WSB1: variants seen among roughly 807,000 people sequenced by gnomAD.
WSB1 encodes WD repeat and SOCS box-containing protein 1.
WSB1 carries 23 observed loss-of-function variants against 50.2 expected under a neutral mutation model. The observed-to-expected ratio is 0.46, with a 90% CI of 0.33 to 0.65. The LOEUF (loss-of-function observed/expected upper bound fraction) is 0.65, where lower values mean the gene tolerates loss of function less well. Among genes scored for constraint, WSB1 ranks in the 30% least tolerant of loss-of-function variants. The pLI, the probability that WSB1 is intolerant of heterozygous loss-of-function variation, is 0.02. For synonymous variants in WSB1, 179 were observed against 172.0 expected (o/e 1.04, Z -0.32); for missense variants, 492 against 522.3 (o/e 0.94, Z 0.56).
intron 4 of WSB1, among the ~76,000 whole-genome samples, chr17:27,306,074 G>A (rs2150837862): frequency 6.6e-6 from 1 of 152,228 alleles, no homozygotes; most frequent in Non-Finnish European, 1.5e-5. Flanking sequence ...GGACTTTGGA[G>A]TGAGTTGTAG....
At position 27,315,120 on chromosome 17, in the gene WSB1, GA is replaced by G. The variant is rs1300541347; in HGVS notation, c.*2753del. The G allele has an allele frequency of 1.3e-5, 2 of 152,210 alleles. No individual in the cohort carries two copies. Among genetic ancestry groups the G allele is most frequent in the Non-Finnish European group, 2.9e-5 (2 of 68,048 alleles). The allele number at this position is 152,210 out of a possible 1,614,324, so 9.4% of individuals were successfully genotyped here. ...GAATTTTCCATTTGTCTGTGGGGAA[GA>G]AGGTAATAACAGTAATAACAGACTG... On this transcript the variant is annotated 3_prime_UTR_variant, in exon 9 of 9. Coordinates refer to ENST00000262394, the MANE Select transcript of WSB1 (RefSeq NM_015626.10).
chr17:27,294,210 T>G lies in WSB1; in HGVS notation c.-186T>G. The stretch of plus-strand genomic sequence containing the variant: ...TATTGTCTGTGGTTGACTCCGTACT[T>G]TGGTCTGAGGCCTTCGGGAGCTTTC... On this transcript the variant is annotated 5_prime_UTR_variant, in exon 1 of 9. Coordinates refer to ENST00000262394, the MANE Select transcript of WSB1 (RefSeq NM_015626.10). The G allele has an allele frequency of 1.5e-6, 1 of 645,170 alleles. No individual in the cohort carries two copies. The highest frequency in any genetic ancestry group is 2.6e-6 in the Non-Finnish European group (1 of 382,824). The allele number at this position is 645,170 out of a possible 1,614,324, so 40.0% of individuals were successfully genotyped here.
At chr17:27,302,020 AG>A in intron 2 of WSB1, 64 bp downstream of exon 2, 1 of 1,457,026 alleles carries the variant, frequency 6.9e-7, no homozygotes, top group Non-Finnish European at 9.1e-7. Flanking sequence ...CTCTCAGTGT[AG>A]GGTAATAAAA....
chr17:27,299,614 A>T (rs1193377249), intron 1 of WSB1, among the ~76,000 whole-genome samples: 1 of 152,086 alleles, frequency 6.6e-6, no homozygotes. Flanking sequence ...ACCACACCTG[A>T]AGTATTGTGG....
intron 3 of WSB1, 75 bp from the exon 4 acceptor site, chr17:27,304,705 C>G: frequency 6.9e-7 from 1 of 1,453,250 alleles, no homozygotes; most frequent in South Asian, 1.2e-5. Flanking sequence ...GAGTGAGACC[C>G]TGTCTCAAGA....
Position 27,312,787 on chromosome 17 carries a change from T to G in WSB1, c.*418T>G, listed in dbSNP as rs1400104308. ...GATGGTAAATACTGACTTACGAAAG[T>G]TGAATTGGGTGAGGCGGGCAAATCA... On this transcript the variant is annotated 3_prime_UTR_variant, in exon 9 of 9. Transcript: ENST00000262394. 1.3e-5 allele frequency: 2 copies of G among 154,690 alleles called. No homozygotes were observed. Among genetic ancestry groups the G allele is most frequent in the East Asian group, 3.8e-4 (2 of 5,248 alleles). 9.6% of individuals were successfully genotyped at this position (154,690 alleles called of 1,614,324 possible). A position where few individuals can be genotyped will look rare whatever the true frequency, so the allele number is the denominator to read the frequency against.
Position 27,312,484 on chromosome 17 carries a change from T to C in WSB1, c.*115T>C. The C allele has an allele frequency of 7.2e-7, 1 of 1,381,804 alleles. No individual in the cohort carries two copies. The highest frequency in any genetic ancestry group is 9.9e-7 in the Non-Finnish European group (1 of 1,006,944). The allele number at this position is 1,381,804 out of a possible 1,614,324, so 85.6% of individuals were successfully genotyped here. A position where few individuals can be genotyped will look rare whatever the true frequency, so the allele number is the denominator to read the frequency against. Reference sequence around the variant, plus strand: ...GACGTAGAAGATTTATTTAATTTGATATGTTCTTGTACTGCATTTTGATCA... The same window carrying C: ...GACGTAGAAGATTTATTTAATTTGACATGTTCTTGTACTGCATTTTGATCA... On this transcript the variant is annotated 3_prime_UTR_variant, in exon 9 of 9. Transcript: ENST00000262394.
At chr17:27,307,922 G>C in intron 5 of WSB1, 1 of 1,260,352 alleles carries the variant, frequency 7.9e-7, no homozygotes, top group Non-Finnish European at 1.0e-6. Flanking sequence ...GTACACAGGT[G>C]CTGGTCGATG....
At chr17:27,308,207 G>GA (rs11331002) in intron 5 of WSB1, 58,398 of 803,554 alleles carry the variant, frequency 0.073, no homozygotes, top group Non-Finnish European at 0.082. Flanking sequence ...TGTCTGTGCA[G>GA]AAAAAAAAAA....
Position 27,299,503 on chromosome 17 carries a change from C to T in WSB1, c.41-2285C>T, listed in dbSNP as rs76146405. Among the ~76,000 whole-genome samples the T allele has an allele frequency of 4.7e-4, 71 of 152,282 alleles. No homozygotes were observed. In the East Asian group the frequency reaches 9.3e-3, roughly 20 times the overall value. ...TCCAGCCTGCATGACAGAGCAAGAC[C>T]TTGACTCAAAAAAACAAAGTTATGT... is the stretch of plus-strand genomic sequence containing the variant. On this transcript the variant is annotated intron_variant, in intron 1 of 8. Transcript: ENST00000262394.
Position 27,311,577 on chromosome 17 carries a change from G to T in WSB1, c.1067G>T (p.Cys356Phe). ...GTTGCACCTTTGAGCAATGGTCTTTGCTGTGCCTTCTCTACTGATGGCAGT... is the reference window on the plus strand; with the variant it reads ...GTTGCACCTTTGAGCAATGGTCTTTTCTGTGCCTTCTCTACTGATGGCAGT... ...VQVAPLSNGL[C>F]CAFSTDGSVL... The change falls in exon 8 of 9, where the codon TGC (cysteine) becomes TTC (phenylalanine). Residue 356 changes from cysteine (C) to phenylalanine (F), a missense_variant. Coordinates refer to ENST00000262394, the MANE Select transcript of WSB1 (RefSeq NM_015626.10). 1.9e-6 allele frequency: 3 copies of T among 1,609,146 alleles called. No individual in the cohort carries two copies. The highest frequency in any genetic ancestry group is 1.7e-6 in the Non-Finnish European group (2 of 1,178,694).
At chr17:27,297,893 A>T (rs2017049174) in intron 1 of WSB1, among the ~76,000 whole-genome samples, 1 of 151,918 alleles carries the variant, frequency 6.6e-6, no homozygotes, top group Non-Finnish European at 1.5e-5. Context: ...AGATCACCTG[A>T]GGTCAGGAGT....
At chr17:27,305,250 T>TA (rs1445956486) in intron 4 of WSB1, among the ~76,000 whole-genome samples, 1 of 152,230 alleles carries the variant, frequency 6.6e-6, no homozygotes, top group African/African-American at 2.4e-5. Flanking sequence ...GTTATTAACT[T>TA]ACTGTATTGG....
At chr17:27,299,341 A>G (rs1043290997) in intron 1 of WSB1, among the ~76,000 whole-genome samples, 2 of 151,988 alleles carry the variant, frequency 1.3e-5, no homozygotes, top group Admixed American at 6.6e-5. Context: ...AGGAACACCT[A>G]CCTTTACAAA....
intron 1 of WSB1, among the ~76,000 whole-genome samples, chr17:27,296,213 C>G (rs1416983943): frequency 6.6e-6 from 1 of 151,932 alleles, no homozygotes; most frequent in African/African-American, 2.4e-5. Context: ...AGTGTTCCCC[C>G]ACTAGCCCCC....
chr17:27,308,530 C>G, intron 5 of WSB1: 1 of 985,480 alleles, frequency 1.0e-6, no homozygotes, highest in Non-Finnish European at 1.2e-6. Context: ...GTTTAACATC[C>G]TTGTTGTTTG....
At chr17:27,294,948 C>T (rs2016891454) in intron 1 of WSB1, among the ~76,000 whole-genome samples, 1 of 152,122 alleles carries the variant, frequency 6.6e-6, no homozygotes, top group African/African-American at 2.4e-5. Flanking sequence ...AGAAACGCAG[C>T]GGTTCGGGGG....
intron 1 of WSB1, among the ~76,000 whole-genome samples, chr17:27,296,459 T>C (rs1307103640): frequency 2.0e-5 from 3 of 152,226 alleles, no homozygotes; most frequent in Non-Finnish European, 2.9e-5. Flanking sequence ...AAGGATTTAC[T>C]TTTTTTCTTT....
chr17:27,309,145 G>C lies in WSB1; in HGVS notation c.757G>C (p.Glu253Gln), dbSNP rs756219097. 1 of 1,612,744 alleles carries C rather than the reference G, an allele frequency of 6.2e-7. No homozygotes were observed. Among genetic ancestry groups the C allele is most frequent in the Non-Finnish European group, 8.5e-7 (1 of 1,179,436 alleles). The change falls in exon 6 of 9, where the codon GAA (glutamate) becomes CAA (glutamine). Residue 253 changes from glutamate (E) to glutamine (Q), a missense_variant. Physicochemically the swap from Glu to Gln is conservative, Grantham distance 29. Transcript: ENST00000262394. ...MDKYTMIRKL[E>Q]GHHHDVVACD... ...TAAATACACCATGATACGGAAACTA[G>C]AAGGACATCACCATGATGTGGTAGC...
Sources: allele counts gnomAD v4.1 joint callset (sites outside exome capture counted in the v4.1 genomes callset), GRCh38; gene constraint gnomAD v4.1.1; transcripts MANE v1.5; gene names NCBI Gene and HGNC (gene_info 2026-07-23, HGNC 2026-07-21).